Variants in NFIA observed in about 807,000 individuals in gnomAD.
NFIA encodes the protein nuclear factor 1 A-type.
A neutral mutation model predicts 62.8 loss-of-function variants in NFIA; 8 were observed. The ratio of observed to expected loss-of-function variants is 0.13; its 90% confidence interval spans 0.07 to 0.23. The LOEUF (loss-of-function observed/expected upper bound fraction) is 0.23, where lower values mean the gene tolerates loss of function less well. NFIA is among the 10% of genes least tolerant of loss of function. NFIA has a pLI of 1.00. For missense variants in NFIA, 410 were observed against 642.1 expected, an observed-to-expected ratio of 0.64 and a Z score of 3.91; for synonymous variants, 235 against 238.1, an observed-to-expected ratio of 0.99 and a Z score of 0.12.
intron 2 of NFIA, among the ~76,000 whole-genome samples, chr1:61,157,523 C>T (rs1164790433): frequency 6.6e-6 from 1 of 152,144 alleles, no homozygotes; most frequent in Non-Finnish European, 1.5e-5. Context: ...TATGTTGGTT[C>T]TGAAGTGCAC....
rs912397939 is a variant in NFIA at position 61,462,275 on chromosome 1, C to T, written c.*6955C>T. On this transcript the variant is annotated 3_prime_UTR_variant, in exon 11 of 11. Transcript: ENST00000403491. Reference sequence around the variant, plus strand: ...CTAGGAGGTCCTTTAGGAAGACTCTCAAAGGCAAATCCCTGATCCCCCGCC... The same window carrying T: ...CTAGGAGGTCCTTTAGGAAGACTCTTAAAGGCAAATCCCTGATCCCCCGCC... The T allele has an allele frequency of 2.0e-5, 3 of 152,018 alleles. No homozygotes were observed. Among genetic ancestry groups the T allele is most frequent in the African/African-American group, 7.2e-5 (3 of 41,388 alleles). The allele number at this position is 152,018 out of a possible 1,614,324, so 9.4% of individuals were successfully genotyped here.
intron 7 of NFIA, among the ~76,000 whole-genome samples, chr1:61,385,077 CA>C (rs199594353): frequency 4.0e-5 from 6 of 150,582 alleles, no homozygotes; most frequent in East Asian, 1.9e-4. Context: ...ACTAAAAATA[CA>C]AAAAAAAATT....
intron 2 of NFIA, among the ~76,000 whole-genome samples, chr1:61,258,258 A>G (rs765253475): frequency 6.6e-6 from 1 of 152,350 alleles, no homozygotes; most frequent in Middle Eastern, 3.4e-3. Flanking sequence ...GTGATTGTGT[A>G]TACATCATGC....
rs957008443 is a variant in NFIA, at chr1:61,107,777, A to G, written c.559+19097A>G. On this transcript the variant is annotated intron_variant, in intron 2 of 10. Coordinates refer to ENST00000403491, the MANE Select transcript of NFIA (RefSeq NM_001134673.4). ...TTTAGAAGTATATGGTATTTTTTGT[A>G]TATCTTTTAAGTGTTCATCTCACAT... Among the ~76,000 whole-genome samples, 4 of 151,428 alleles carry G rather than the reference A, an allele frequency of 2.6e-5. No individual in the cohort carries two copies. The East Asian group carries it at 5.8e-4, about 22-fold the overall frequency.
chr1:61,422,045 T>G (rs1308615394), intron 9 of NFIA, among the ~76,000 whole-genome samples: 2 of 152,188 alleles, frequency 1.3e-5, no homozygotes, highest in Non-Finnish European at 2.9e-5. Context: ...GAGGATCACT[T>G]GAGCCTAGGA....
At chr1:61,079,200 G>A (rs887409558), upstream of NFIA, among the ~76,000 whole-genome samples, 2 of 152,134 alleles carry the variant, frequency 1.3e-5, no homozygotes, top group Non-Finnish European at 2.9e-5. Context: ...AAAAACCAGA[G>A]AAGAAAAAAT....
chr1:61,155,245 G>T (rs1431133023), intron 2 of NFIA, among the ~76,000 whole-genome samples: 1 of 152,128 alleles, frequency 6.6e-6, no homozygotes, highest in African/African-American at 2.4e-5. Context: ...AAGTGTAAAG[G>T]TATACTTTCT....
intron 2 of NFIA, among the ~76,000 whole-genome samples, chr1:61,134,254 GT>G (rs1647137233): frequency 2.1e-5 from 2 of 94,832 alleles, no homozygotes; most frequent in Admixed American, 2.0e-4. Flanking sequence ...GAGTGTGTGT[GT>G]GTGTGTGTGT....
chr1:61,315,782 CG>C (rs1468651690), intron 3 of NFIA, among the ~76,000 whole-genome samples: 4 of 152,080 alleles, frequency 2.6e-5, no homozygotes, highest in African/African-American at 4.8e-5. Flanking sequence ...GCAATAAGGA[CG>C]GGTCATTTTG....
intron 2 of NFIA, among the ~76,000 whole-genome samples, chr1:61,205,579 G>A (rs965385395): frequency 3.3e-5 from 5 of 152,118 alleles, no homozygotes; most frequent in African/African-American, 9.7e-5. Context: ...AGACCTTGGC[G>A]ATGATCTTGA....
intron 2 of NFIA, among the ~76,000 whole-genome samples, chr1:61,272,964 C>T (rs446952): frequency 0.37 from 55,662 of 152,060 alleles, 12,189 homozygotes; most frequent in Admixed American, 0.49. Flanking sequence ...TCATCTTTAG[C>T]CAAATCATTA....
At chr1:61,452,754 T>G (rs1286692671) in intron 10 of NFIA, among the ~76,000 whole-genome samples, 1 of 152,208 alleles carries the variant, frequency 6.6e-6, no homozygotes, top group East Asian at 1.9e-4. Context: ...CAACTTCTAT[T>G]GATTAAAAAC....
At chr1:61,220,737 A>G (rs181753891) in intron 2 of NFIA, among the ~76,000 whole-genome samples, 61 of 152,334 alleles carry the variant, frequency 4.0e-4, no homozygotes, top group Admixed American at 3.7e-3. Flanking sequence ...TGGTTTGCTG[A>G]AACCCACAAT....
upstream of NFIA, among the ~76,000 whole-genome samples, chr1:61,080,638 A>C (rs995606732): frequency 6.6e-6 from 1 of 152,204 alleles, no homozygotes; most frequent in Admixed American, 6.5e-5. Flanking sequence ...CCCTACTAAA[A>C]TCTGAGAGGA....
chr1:61,341,339 C>T (rs1661900750), intron 4 of NFIA, among the ~76,000 whole-genome samples: 1 of 152,010 alleles, frequency 6.6e-6, no homozygotes, highest in African/African-American at 2.4e-5. Flanking sequence ...GTGTGAGCCA[C>T]TGCACCTGGC....
chr1:61,330,805 T>C (rs1395255360), intron 3 of NFIA, among the ~76,000 whole-genome samples: 1 of 152,104 alleles, frequency 6.6e-6, no homozygotes, highest in Non-Finnish European at 1.5e-5. Flanking sequence ...GAGCAAGAGC[T>C]GGAGATCAAC....
chr1:61,270,350 G>A (rs933909465), intron 2 of NFIA, among the ~76,000 whole-genome samples: 1 of 138,624 alleles, frequency 7.2e-6, no homozygotes, highest in Non-Finnish European at 1.7e-5. Flanking sequence ...AGGTTTCTAG[G>A]ACACCATCTT....
intron 2 of NFIA, among the ~76,000 whole-genome samples, chr1:61,161,125 G>C (rs1649170255): frequency 6.6e-6 from 1 of 152,196 alleles, no homozygotes. Context: ...ATATTGGCCA[G>C]GCTGGTCTCG....
chr1:61,333,978 C>A (rs535304122), intron 4 of NFIA, among the ~76,000 whole-genome samples: 1 of 152,114 alleles, frequency 6.6e-6, no homozygotes, highest in Non-Finnish European at 1.5e-5. Context: ...CCAGCCTGGG[C>A]GACAGAGTGA....
Sources: gnomAD v4.1 joint callset for allele counts (sites outside exome capture counted in the v4.1 genomes callset) on GRCh38, gnomAD v4.1.1 for gene constraint, MANE v1.5 for transcripts, NCBI Gene and HGNC (gene_info 2026-07-23, HGNC 2026-07-21) for gene names.